The following GTF3C5 variants were observed in gnomAD, a reference collection of about 807,000 sequenced individuals.
The protein encoded by GTF3C5 is general transcription factor IIIC subunit 5.
Under a neutral mutation model 61.0 loss-of-function variants are expected in GTF3C5, and 47 were observed. The observed-to-expected ratio is 0.77, with a 90% CI of 0.61 to 0.98. GTF3C5 has a LOEUF of 0.98. Among genes scored for constraint, GTF3C5 ranks in the 50% least tolerant of loss-of-function variants. The pLI is 0.00. For synonymous variants in GTF3C5, 295 were observed against 275.4 expected (o/e 1.07, Z -0.71); for missense variants, 659 against 703.3 (o/e 0.94, Z 0.71).
At chr9:133,055,106 C>T (rs1035744742) in intron 8 of GTF3C5, 21 of 1,550,124 alleles carry the variant, frequency 1.4e-5, no homozygotes, top group Non-Finnish European at 1.8e-5. Context: ...TGGGCCCCCA[C>T]TGAGCCACGT....
At chr9:133,055,225 G>A in intron 8 of GTF3C5, 2 of 1,508,894 alleles carry the variant, frequency 1.3e-6, no homozygotes, top group Non-Finnish European at 1.8e-6. Flanking sequence ...GTTTCCGTCA[G>A]TGCGGTTGCC....
intron 4 of GTF3C5, 49 bp from the exon 5 acceptor site, chr9:133,052,011 G>A (rs745817311): frequency 4.3e-5 from 43 of 991,590 alleles, no homozygotes; most frequent in Non-Finnish European, 4.5e-5. Flanking sequence ...AGGGCCGAAG[G>A]GTGGAAGCTG....
At chr9:133,035,043 C>A (rs1018194067) in intron 1 of GTF3C5, among the ~76,000 whole-genome samples, 2 of 152,030 alleles carry the variant, frequency 1.3e-5, no homozygotes, top group Non-Finnish European at 2.9e-5. Context: ...CTCCACTCTT[C>A]CTGATGAAGG....
rs750117418 is a variant in GTF3C5, at chr9:133,043,715, CCT to C, written c.374-8_374-7del. 6.2e-6 allele frequency: 10 copies of C among 1,611,700 alleles called. No individual in the cohort carries two copies. The highest frequency in any genetic ancestry group is 3.3e-4 in the Middle Eastern group (2 of 6,082). On this transcript the variant is annotated splice_polypyrimidine_tract_variant and intron_variant, in intron 2 of 10. Coordinates refer to ENST00000372097, the MANE Select transcript of GTF3C5 (RefSeq NM_012087.4). ...GGACTCAATGTCTGCCATCTGCCCA[CCT>C]CTCTTTCTAGGGATGTCTGACTTCC...
At chr9:133,055,200 G>A (rs1220406593) in intron 8 of GTF3C5, 2 of 1,528,046 alleles carry the variant, frequency 1.3e-6, no homozygotes, top group Non-Finnish European at 1.8e-6. Flanking sequence ...TGTGGCAGGA[G>A]CCTCACTGGC....
Position 133,055,287 on chromosome 9 carries a change from G to T in GTF3C5, c.1167+478G>T, listed in dbSNP as rs935055516. The T allele has an allele frequency of 2.8e-6, 4 of 1,416,288 alleles. No individual in the cohort carries two copies. The African/African-American group carries it at 5.7e-5, about 20-fold the overall frequency. 87.7% of individuals were successfully genotyped at this position (1,416,288 alleles called of 1,614,324 possible). On this transcript the variant is annotated intron_variant, in intron 8 of 10. Transcript: ENST00000372097. ...TGTTCCCACATTCAGGCTCCCGCAA[G>T]CCGCTCCACAGCCCTGGGGGAGGCC...
chr9:133,047,703 G>T (rs759004693), intron 3 of GTF3C5, among the ~76,000 whole-genome samples: 3 of 152,078 alleles, frequency 2.0e-5, no homozygotes, highest in Admixed American at 6.5e-5. Context: ...TGTATTTTTA[G>T]TAAAGACGGG....
chr9:133,055,242 G>A (rs1043192346), intron 8 of GTF3C5: 28 of 1,486,238 alleles, frequency 1.9e-5, no homozygotes, highest in Non-Finnish European at 2.5e-5. Context: ...TGCCCAGCGG[G>A]GGTTGGCGGT....
At chr9:133,051,359 GCAGCCCTC>G (rs2119021535) in intron 4 of GTF3C5, among the ~76,000 whole-genome samples, 1 of 152,230 alleles carries the variant, frequency 6.6e-6, no homozygotes, top group East Asian at 1.9e-4. Context: ...GTGCTGCCAG[GCAGCCCTC>G]CTTCCCCGGG....
At chr9:133,036,625 A>G (rs181692684) in intron 1 of GTF3C5, among the ~76,000 whole-genome samples, 38 of 152,210 alleles carry the variant, frequency 2.5e-4, no homozygotes, top group African/African-American at 8.7e-4. Flanking sequence ...GGCAGTTATG[A>G]GCATATGTTT....
chr9:133,052,317 T>G, intron 5 of GTF3C5, among the ~76,000 whole-genome samples, 153 bp downstream of exon 5: 1 of 125,890 alleles, frequency 7.9e-6, no homozygotes, highest in African/African-American at 3.1e-5. Context: ...CCATCCTTCC[T>G]ACCCACCCCT....
chr9:133,043,776 A>G lies in GTF3C5; in HGVS notation c.422A>G (p.Lys141Arg). The G allele has an allele frequency of 1.2e-6, 2 of 1,614,210 alleles. No homozygotes were observed. Among genetic ancestry groups the G allele is most frequent in the Non-Finnish European group, 1.7e-6 (2 of 1,180,040 alleles). Residue 141 changes from lysine (K) to arginine (R), a missense_variant, in exon 3 of 11, where the codon AAG (lysine) becomes AGG (arginine). Lys to Arg is a conservative substitution (Grantham distance 26). Transcript: ENST00000372097. ...GCTGTGCATACGGAAGCAGGCGGCA[A>G]GCATACGTCAATGTATGACAAGGTG... ...YLAVHTEAGG[K>R]HTSMYDKVLM...
At chr9:133,041,913 C>G (rs73662415) in intron 1 of GTF3C5, among the ~76,000 whole-genome samples, 174 bp from the exon 2 acceptor site, 32 of 152,286 alleles carry the variant, frequency 2.1e-4, no homozygotes, top group African/African-American at 7.0e-4. Flanking sequence ...CAGATAAAAA[C>G]TAAGATACAT....
intron 1 of GTF3C5, 116 bp downstream of exon 1, chr9:133,031,280 C>T: frequency 1.2e-6 from 1 of 817,144 alleles, no homozygotes; most frequent in Non-Finnish European, 1.9e-6. Context: ...CAGAAGGGTG[C>T]TGCTCGCTCT....
At chr9:133,030,948 G>A, upstream of GTF3C5, 1 of 1,561,236 alleles carries the variant, frequency 6.4e-7, no homozygotes, top group Non-Finnish European at 8.8e-7. Flanking sequence ...CGGAACAATT[G>A]AGGCGAGGCC....
At chr9:133,044,637 T>G (rs1850148469) in intron 3 of GTF3C5, among the ~76,000 whole-genome samples, 1 of 152,146 alleles carries the variant, frequency 6.6e-6, no homozygotes, top group African/African-American at 2.4e-5. Flanking sequence ...CTGTTTACCC[T>G]TTCCTGGTCT....
At chr9:133,043,678 C>T (rs1286065557) in intron 2 of GTF3C5, 50 bp from the exon 3 acceptor site, 1 of 1,446,192 alleles carries the variant, frequency 6.9e-7, no homozygotes, top group Admixed American at 1.7e-5. Context: ...TGTGTGGCAG[C>T]TGCCCATTCC....
intron 3 of GTF3C5, among the ~76,000 whole-genome samples, chr9:133,048,335 A>C (rs1296976606): frequency 6.6e-6 from 1 of 152,226 alleles, no homozygotes; most frequent in Middle Eastern, 3.4e-3. Context: ...TCTCTACTAA[A>C]AATACAAAAA....
chr9:133,037,800 A>G (rs1470126770), intron 1 of GTF3C5, among the ~76,000 whole-genome samples: 1 of 152,194 alleles, frequency 6.6e-6, no homozygotes, highest in African/African-American at 2.4e-5. Context: ...CCCTGAAACA[A>G]AAAGCTCTTC....
Sources: allele counts gnomAD v4.1 joint callset (sites outside exome capture counted in the v4.1 genomes callset), GRCh38; gene constraint gnomAD v4.1.1; transcripts MANE v1.5; gene names NCBI Gene and HGNC (gene_info 2026-07-23, HGNC 2026-07-21).